Variants in BMPR2 observed in about 807,000 individuals in gnomAD.
The protein encoded by BMPR2 is bone morphogenetic protein receptor type-2.
BMPR2 carries 29 observed loss-of-function variants against 100.8 expected under a neutral mutation model. The observed-to-expected ratio is 0.29, with a 90% CI of 0.21 to 0.39. The LOEUF is 0.39. Ranked by LOEUF, BMPR2 falls within the 10% of genes least tolerant of loss-of-function variation. The probability of loss-of-function intolerance (pLI) is 1.00; values close to 1 mark genes in which losing one functional copy is unlikely to be tolerated. For missense variants in BMPR2, 1,011 were observed against 1,274.5 expected (o/e 0.79, Z 3.15); for synonymous variants, 382 against 442.3 (o/e 0.86, Z 1.71).
intron 2 of BMPR2, among the ~76,000 whole-genome samples, chr2:202,465,879 G>A (rs1692310785): frequency 6.6e-6 from 1 of 151,980 alleles, no homozygotes; most frequent in African/African-American, 2.4e-5. Flanking sequence ...GGAACATACT[G>A]TATAAACAAT....
At chr2:202,412,838 A>G (rs552138484) in intron 1 of BMPR2, among the ~76,000 whole-genome samples, 2 of 152,252 alleles carry the variant, frequency 1.3e-5, no homozygotes, top group Admixed American at 6.5e-5. Context: ...AGTAATTACT[A>G]TTTCACTGAT....
At chr2:202,411,816 A>G (rs909902713) in intron 1 of BMPR2, among the ~76,000 whole-genome samples, 1 of 152,198 alleles carries the variant, frequency 6.6e-6, no homozygotes, top group African/African-American at 2.4e-5. Context: ...ATTCTACAAG[A>G]TAACTTCCCA....
intron 1 of BMPR2, among the ~76,000 whole-genome samples, chr2:202,439,314 C>T (rs1691682821): frequency 6.7e-6 from 1 of 149,350 alleles, no homozygotes; most frequent in Non-Finnish European, 1.5e-5. Flanking sequence ...TTGATGTATT[C>T]TGCAATGTTG....
At chr2:202,493,300 CT>C (rs933066995) in intron 3 of BMPR2, among the ~76,000 whole-genome samples, 9 of 151,304 alleles carry the variant, frequency 5.9e-5, no homozygotes, top group African/African-American at 1.2e-4. Flanking sequence ...TCATTAAATA[CT>C]TTTTTTTTAA....
chr2:202,424,266 T>G (rs1285671404), intron 1 of BMPR2, among the ~76,000 whole-genome samples: 1 of 150,798 alleles, frequency 6.6e-6, no homozygotes, highest in Admixed American at 6.6e-5. Context: ...CCCTGCCACT[T>G]GGGAAGCTGA....
chr2:202,501,797 A>G (rs1363286968), intron 3 of BMPR2, among the ~76,000 whole-genome samples: 1 of 152,240 alleles, frequency 6.6e-6, no homozygotes, highest in Admixed American at 6.5e-5. Flanking sequence ...TCAAATGCGC[A>G]TATGCGTGGC....
In BMPR2 at chr2:202,555,357, G is replaced by A; in HGVS notation, c.1692G>A (p.Lys564=). 3 of 1,614,088 alleles carry A rather than the reference G, an allele frequency of 1.9e-6. No individual in the cohort carries two copies. The highest frequency in any genetic ancestry group is 2.5e-6 in the Non-Finnish European group (3 of 1,180,008). The stretch of plus-strand genomic sequence containing the variant: ...TCCATCATACTGACAGCATCGTGAA[G>A]AATATTTCCTCTGAGCATTCTATGT... ...DSIHHTDSIV[K]NISSEHSMSS... Residue 564 remains lysine, a synonymous_variant, in exon 12 of 13, where the codon AAG becomes AAA. Coordinates refer to ENST00000374580, the MANE Select transcript of BMPR2 (RefSeq NM_001204.7).
chr2:202,521,651 C>T (rs1166551825), intron 7 of BMPR2, among the ~76,000 whole-genome samples: 2 of 151,662 alleles, frequency 1.3e-5, no homozygotes, highest in South Asian at 2.1e-4. Flanking sequence ...TATTTCCTAC[C>T]TTGTCATATA....
chr2:202,471,117 C>T (rs1419126076), intron 3 of BMPR2, among the ~76,000 whole-genome samples: 1 of 152,112 alleles, frequency 6.6e-6, no homozygotes, highest in East Asian at 1.9e-4. Flanking sequence ...GGAGACTTGT[C>T]ATAAGGACAC....
intron 1 of BMPR2, among the ~76,000 whole-genome samples, chr2:202,416,224 T>C (rs1691121721): frequency 6.6e-6 from 1 of 151,966 alleles, no homozygotes; most frequent in South Asian, 2.1e-4. Flanking sequence ...TGTGACTGAA[T>C]TGGTGCAGTC....
intron 2 of BMPR2, among the ~76,000 whole-genome samples, 162 bp from the exon 3 acceptor site, chr2:202,467,357 C>G (rs1027265909): frequency 2.0e-5 from 3 of 152,264 alleles, no homozygotes; most frequent in Non-Finnish European, 4.4e-5. Flanking sequence ...TATCCTTTAC[C>G]ATTTTTCTGT....
Position 202,412,764 on chromosome 2 carries a change from A to C in BMPR2, c.76+35214A>C, listed in dbSNP as rs544267909. Among the ~76,000 whole-genome samples the C allele has an allele frequency of 2.7e-3, 407 of 152,306 alleles. 1 individual carries two copies. Among genetic ancestry groups the C allele is most frequent in the African/African-American group, 8.8e-3 (367 of 41,570 alleles). On this transcript the variant is annotated intron_variant, in intron 1 of 12. Transcript: ENST00000374580. ...GATACTAGAGTTTATGTAATCATTA[A>C]CCACATTATTTTAGACATTTTTTTG... is the stretch of plus-strand genomic sequence containing the variant.
chr2:202,534,874 C>G (rs1381435211), intron 9 of BMPR2, among the ~76,000 whole-genome samples: 1 of 147,816 alleles, frequency 6.8e-6, no homozygotes, highest in African/African-American at 2.5e-5. Flanking sequence ...ACCTCCCTCC[C>G]GGACGGGGCG....
At chr2:202,496,323 C>CA (rs1443229789) in intron 3 of BMPR2, among the ~76,000 whole-genome samples, 1 of 151,872 alleles carries the variant, frequency 6.6e-6, no homozygotes, top group Non-Finnish European at 1.5e-5. Context: ...CCTGTCTCTA[C>CA]AAAAAATAAA....
At chr2:202,462,153 C>G (rs1352844996) in intron 1 of BMPR2, among the ~76,000 whole-genome samples, 1 of 151,796 alleles carries the variant, frequency 6.6e-6, no homozygotes, top group South Asian at 2.1e-4. Flanking sequence ...TAAACCAAAA[C>G]AAAGTAAAAT....
intron 1 of BMPR2, among the ~76,000 whole-genome samples, chr2:202,391,796 T>C (rs1020166625): frequency 6.6e-6 from 1 of 150,576 alleles, no homozygotes; most frequent in South Asian, 2.1e-4. Context: ...GGAGTCGCAC[T>C]CTGTCGCCAG....
chr2:202,524,137 C>T (rs181832030), intron 7 of BMPR2, among the ~76,000 whole-genome samples: 5,165 of 151,890 alleles, frequency 0.034, 290 homozygotes, highest in African/African-American at 0.12. Flanking sequence ...CTGAGGCAGG[C>T]GGATCACGAG....
chr2:202,472,654 C>CA (rs1692459048), intron 3 of BMPR2, among the ~76,000 whole-genome samples: 2 of 152,120 alleles, frequency 1.3e-5, no homozygotes, highest in East Asian at 3.9e-4. Context: ...GACTCCGTCT[C>CA]AAAAAGAAAA....
chr2:202,509,966 T>C (rs1453070264), intron 3 of BMPR2, among the ~76,000 whole-genome samples: 4 of 152,108 alleles, frequency 2.6e-5, no homozygotes, highest in Non-Finnish European at 5.9e-5. Context: ...TTTTATTTTT[T>C]ATACAGAAGA....
Sources: gnomAD v4.1 joint callset for allele counts (sites outside exome capture counted in the v4.1 genomes callset) on GRCh38, gnomAD v4.1.1 for gene constraint, MANE v1.5 for transcripts, NCBI Gene and HGNC (gene_info 2026-07-23, HGNC 2026-07-21) for gene names.